Variants in TBC1D5 observed in about 807,000 individuals in gnomAD.
TBC1D5 encodes the protein TBC1 domain family member 5.
TBC1D5 carries 75 observed loss-of-function variants against 100.3 expected under a neutral mutation model. The ratio of observed to expected loss-of-function variants is 0.75; its 90% CI spans 0.62 to 0.91. TBC1D5 has a LOEUF of 0.91. TBC1D5 is among the 40% of genes least tolerant of loss of function. The probability of loss-of-function intolerance (pLI) is 0.00; values close to 1 mark genes in which losing one functional copy is unlikely to be tolerated. For synonymous variants in TBC1D5, 323 were observed against 325.6 expected, an observed-to-expected ratio of 0.99 and a Z score of 0.09; for missense variants, 910 against 942.4, an observed-to-expected ratio of 0.97 and a Z score of 0.45.
chr3:17,727,357 G>A (rs2153978575), intron 1 of TBC1D5, among the ~76,000 whole-genome samples: 1 of 152,252 alleles, frequency 6.6e-6, no homozygotes, highest in African/African-American at 2.4e-5. Context: ...CTCTAGCCTG[G>A]GTGACAGAGT....
At chr3:17,561,317 A>G (rs547978785) in intron 2 of TBC1D5, among the ~76,000 whole-genome samples, 6 of 152,344 alleles carry the variant, frequency 3.9e-5, no homozygotes, top group African/African-American at 1.4e-4. Flanking sequence ...ATATACATAA[A>G]AACTTAGAGG....
intron 3 of TBC1D5, among the ~76,000 whole-genome samples, chr3:17,434,520 A>G (rs971882636): frequency 6.6e-6 from 1 of 152,194 alleles, no homozygotes; most frequent in Non-Finnish European, 1.5e-5. Flanking sequence ...CGGCCCAACC[A>G]TATCACTGTA....
intron 2 of TBC1D5, among the ~76,000 whole-genome samples, chr3:17,596,991 T>C (rs761589353): frequency 6.6e-6 from 1 of 152,210 alleles, no homozygotes; most frequent in Non-Finnish European, 1.5e-5. Flanking sequence ...CAGATTCTAA[T>C]AAATTATAAA....
At chr3:17,478,913 G>A (rs181777427) in intron 3 of TBC1D5, among the ~76,000 whole-genome samples, 2 of 152,274 alleles carry the variant, frequency 1.3e-5, no homozygotes, top group East Asian at 3.9e-4. Context: ...CAGAGTAAGA[G>A]AATTACTCAA....
chr3:17,644,828 T>C (rs1384809394), intron 1 of TBC1D5, among the ~76,000 whole-genome samples: 6 of 152,112 alleles, frequency 3.9e-5, no homozygotes, highest in Non-Finnish European at 8.8e-5. Context: ...ATAATTCTGA[T>C]CTTACAAATT....
chr3:17,463,339 G>A (rs183999650), intron 3 of TBC1D5, among the ~76,000 whole-genome samples: 1 of 152,140 alleles, frequency 6.6e-6, no homozygotes, highest in Admixed American at 6.5e-5. Context: ...CCTACTTCTG[G>A]GTTCCATTGG....
intron 3 of TBC1D5, among the ~76,000 whole-genome samples, chr3:17,488,269 T>C (rs1274811758): frequency 5.3e-5 from 8 of 152,242 alleles, no homozygotes; most frequent in South Asian, 4.1e-4. Flanking sequence ...CTTAGCAGTA[T>C]GTGCTTTTAA....
chr3:17,522,082 T>A (rs1287787466), intron 2 of TBC1D5, among the ~76,000 whole-genome samples: 1 of 151,922 alleles, frequency 6.6e-6, no homozygotes. Flanking sequence ...AAACATAACA[T>A]ATAAATATAT....
chr3:17,424,585 T>C (rs531607249), intron 4 of TBC1D5, among the ~76,000 whole-genome samples: 7 of 152,316 alleles, frequency 4.6e-5, no homozygotes, highest in African/African-American at 1.2e-4. Context: ...CTTTCCATTT[T>C]AACGCATCAT....
At chr3:17,621,686 A>G (rs1352363927) in intron 2 of TBC1D5, among the ~76,000 whole-genome samples, 1 of 151,042 alleles carries the variant, frequency 6.6e-6, no homozygotes, top group Non-Finnish European at 1.5e-5. Flanking sequence ...CTAGCACTCC[A>G]TGATATAGTA....
intron 3 of TBC1D5, among the ~76,000 whole-genome samples, chr3:17,478,961 T>A (rs1576252144): frequency 6.6e-6 from 1 of 152,346 alleles, no homozygotes; most frequent in Non-Finnish European, 1.5e-5. Flanking sequence ...AAATGCTTAC[T>A]ATATTGTGTA....
chr3:17,337,777 T>C (rs578117428), intron 13 of TBC1D5: 4 of 152,204 alleles, frequency 2.6e-5, no homozygotes, highest in Non-Finnish European at 5.9e-5. Flanking sequence ...CTCTACGCCA[T>C]ATTTTTACAA....
chr3:17,503,287 T>C (rs1420094176), intron 3 of TBC1D5, among the ~76,000 whole-genome samples: 1 of 149,678 alleles, frequency 6.7e-6, no homozygotes, highest in East Asian at 1.9e-4. Flanking sequence ...CTTCAGGTTG[T>C]GGCTTAGATA....
At chr3:17,382,670 C>T (rs2152215684) in intron 9 of TBC1D5, among the ~76,000 whole-genome samples, 1 of 152,040 alleles carries the variant, frequency 6.6e-6, no homozygotes, top group South Asian at 2.1e-4. Context: ...AAGAGATCCT[C>T]CCACTTCAGT....
chr3:17,507,569 A>T (rs1294251243), intron 3 of TBC1D5, among the ~76,000 whole-genome samples: 1 of 152,224 alleles, frequency 6.6e-6, no homozygotes, highest in Non-Finnish European at 1.5e-5. Context: ...AGACTTTGGC[A>T]TCAGTATAAA....
intron 4 of TBC1D5, among the ~76,000 whole-genome samples, chr3:17,407,523 C>T (rs1334387151): frequency 6.6e-6 from 1 of 152,162 alleles, no homozygotes; most frequent in African/African-American, 2.4e-5. Context: ...CTAAAACCCT[C>T]AATCATTCTT....
chr3:17,189,532 T>C (rs568211306), intron 18 of TBC1D5, among the ~76,000 whole-genome samples: 2 of 152,314 alleles, frequency 1.3e-5, no homozygotes, highest in African/African-American at 4.8e-5. Context: ...TCCCTTCATA[T>C]TGATTGTAAT....
intron 1 of TBC1D5, among the ~76,000 whole-genome samples, chr3:17,694,241 C>G (rs1419516357): frequency 2.6e-5 from 4 of 152,138 alleles, no homozygotes; most frequent in Non-Finnish European, 5.9e-5. Context: ...GTACAGAGAA[C>G]GACTTTGACA....
chr3:17,468,953 T>C (rs1204158950), intron 3 of TBC1D5, among the ~76,000 whole-genome samples: 2 of 152,150 alleles, frequency 1.3e-5, no homozygotes, highest in Non-Finnish European at 2.9e-5. Context: ...AAAAACCACA[T>C]TTCTTCTTTC....
Sources: allele counts gnomAD v4.1 joint callset (sites outside exome capture counted in the v4.1 genomes callset), GRCh38; gene constraint gnomAD v4.1.1; transcripts MANE v1.5; gene names NCBI Gene and HGNC (gene_info 2026-07-23, HGNC 2026-07-21).